DOCK8: variants seen among roughly 807,000 people sequenced by gnomAD.
DOCK8 encodes the protein dedicator of cytokinesis protein 8.
In DOCK8, 141 loss-of-function variants were observed where a neutral mutation model predicts 245.6. The ratio of observed to expected loss-of-function variants is 0.57; its 90% CI spans 0.50 to 0.66. The LOEUF (loss-of-function observed/expected upper bound fraction) is 0.66, where lower values mean the gene tolerates loss of function less well. Among genes scored for constraint, DOCK8 ranks in the 30% least tolerant of loss-of-function variants. The pLI is 0.00. For missense variants in DOCK8, 2,965 were observed against 2,603.4 expected (o/e 1.14, Z -3.02); for synonymous variants, 1,168 against 970.2 (o/e 1.20, Z -3.79).
intron 37 of DOCK8, among the ~76,000 whole-genome samples, chr9:432,944 C>G (rs930659604): frequency 2.0e-5 from 3 of 152,194 alleles, no homozygotes; most frequent in African/African-American, 7.2e-5. Flanking sequence ...TCCCATTTGT[C>G]TTTTAACTCC....
At chr9:358,197 G>T (rs1383356943) in intron 14 of DOCK8, among the ~76,000 whole-genome samples, 1 of 152,082 alleles carries the variant, frequency 6.6e-6, no homozygotes, top group Non-Finnish European at 1.5e-5. Context: ...TGATCTTCCA[G>T]CCTCAGCCTT....
chr9:399,966 ACCT>A, intron 26 of DOCK8, among the ~76,000 whole-genome samples: 1 of 146,730 alleles, frequency 6.8e-6, no homozygotes, highest in East Asian at 2.0e-4. Context: ...CACTATCACC[ACCT>A]TCTCCACCAT....
In DOCK8 at chr9:433,574, G is replaced by C. The variant is rs1253110155; in HGVS notation, c.4786-301G>C. ...CCAGAGTAGAGTTTAGAACTTTTCA[G>C]GTTACAAATAACTGAAACTGGTTCA... On this transcript the variant is annotated intron_variant, in intron 37 of 47. Transcript: ENST00000432829. Among the ~76,000 whole-genome samples, 4 of 152,126 alleles carry C rather than the reference G, an allele frequency of 2.6e-5. No homozygotes were observed. In the East Asian group the frequency reaches 7.7e-4, roughly 29 times the overall value.
intron 4 of DOCK8, among the ~76,000 whole-genome samples, chr9:291,069 ATT>A (rs2049018340): frequency 6.6e-6 from 1 of 152,236 alleles, no homozygotes; most frequent in Admixed American, 6.5e-5. Flanking sequence ...TAAATAAAAG[ATT>A]TCAGAACAAG....
intron 2 of DOCK8, chr9:284,620 C>G (rs1228090877): frequency 2.0e-5 from 3 of 151,120 alleles, no homozygotes; most frequent in African/African-American, 7.3e-5. Context: ...ATAAATCATT[C>G]TACCATAAAG....
At chr9:432,074 G>T in intron 36 of DOCK8, 92 bp from the exon 37 acceptor site, 1 of 1,287,570 alleles carries the variant, frequency 7.8e-7, no homozygotes, top group Non-Finnish European at 1.1e-6. Flanking sequence ...AAACACTGAG[G>T]AGTTGTTTGT....
At chr9:365,683 G>A in intron 14 of DOCK8, 1 of 443,736 alleles carries the variant, frequency 2.3e-6, no homozygotes, top group Non-Finnish European at 4.5e-6. Flanking sequence ...TAAGTAACTT[G>A]CCAAAGGCCA....
chr9:294,911 G>A (rs967902109), intron 4 of DOCK8, among the ~76,000 whole-genome samples: 57 of 152,230 alleles, frequency 3.7e-4, no homozygotes, highest in Non-Finnish European at 2.8e-4. Context: ...TGTAATCCCA[G>A]CACTTTGGGA....
Position 432,217 on chromosome 9 carries a change from GGAAGAGCACCAGACTTTAAT to G in DOCK8, c.4689_4708del (p.Asp1564GlufsTer32). On this transcript the variant is annotated frameshift_variant, in exon 37 of 48. Coordinates refer to ENST00000432829, the MANE Select transcript of DOCK8 (RefSeq NM_203447.4). LOFTEE classifies it high-confidence loss of function. ...AACCATGTCCCTGGCATCTTTGGTG[GGAAGAGCACCAGACTTTAAT>G]GAAGAGCACCTGAGAAGATCCTTGA... 1 of 1,613,604 alleles carries G rather than the reference GGAAGAGCACCAGACTTTAAT, an allele frequency of 6.2e-7. No individual in the cohort carries two copies. Among genetic ancestry groups the G allele is most frequent in the South Asian group, 1.1e-5 (1 of 91,058 alleles).
chr9:389,978 C>T (rs1464337360), intron 23 of DOCK8, among the ~76,000 whole-genome samples: 1 of 151,952 alleles, frequency 6.6e-6, no homozygotes, highest in Non-Finnish European at 1.5e-5. Flanking sequence ...CGAGATTACG[C>T]CACCGCATTC....
chr9:271,501 TAGTC>T (rs1160080502), intron 1 of DOCK8, 122 bp from the exon 2 acceptor site: 8 of 712,396 alleles, frequency 1.1e-5, no homozygotes, highest in South Asian at 1.7e-5. Context: ...AAAGGTATCT[TAGTC>T]AGTTCTGCTC....
At chr9:289,484 G>C (rs560750024) in intron 3 of DOCK8, 26 bp from the exon 4 acceptor site, 1 of 1,600,760 alleles carries the variant, frequency 6.2e-7, no homozygotes, top group East Asian at 2.2e-5. Context: ...GTAATAACGT[G>C]TTTATTTCAT....
chr9:382,960 T>A (rs1414817835), intron 22 of DOCK8, among the ~76,000 whole-genome samples: 1 of 152,164 alleles, frequency 6.6e-6, no homozygotes. Flanking sequence ...TGGAGTCATG[T>A]GGCTAAACCA....
rs763974375 is a variant in DOCK8, at chr9:377,090, G to A, written c.2319G>A (p.Leu773=). Residue 773 remains leucine (L), a synonymous_variant, in exon 20 of 48, where the codon CTG becomes CTA. Transcript: ENST00000432829. ...KISEMALEHE[L]KLSIICLNSS... ...GCGAGATGGCGCTGGAGCATGAGCT[G>A]AAGCTCAGCATCATCTGCCTGAACT... 6.2e-7 allele frequency: 1 copy of A among 1,612,644 alleles called. No individual in the cohort carries two copies. The highest frequency in any genetic ancestry group is 1.1e-5 in the South Asian group (1 of 91,062).
chr9:344,047 A>G (rs1336607172), intron 14 of DOCK8, among the ~76,000 whole-genome samples: 2 of 152,220 alleles, frequency 1.3e-5, no homozygotes, highest in Non-Finnish European at 2.9e-5. Flanking sequence ...CCAACTTGTC[A>G]TCATGAGAAA....
At chr9:333,736 CAGAA>C (rs2051168069) in intron 10 of DOCK8, among the ~76,000 whole-genome samples, 9 of 151,590 alleles carry the variant, frequency 5.9e-5, no homozygotes, top group African/African-American at 1.7e-4. Context: ...ATTCTGAACT[CAGAA>C]AGAACACCTT....
chr9:356,356 G>A (rs1048262322), intron 14 of DOCK8, among the ~76,000 whole-genome samples: 4 of 151,836 alleles, frequency 2.6e-5, no homozygotes, highest in Admixed American at 6.6e-5. Flanking sequence ...GTGAAACCCC[G>A]TCTCTACTAA....
intron 26 of DOCK8, among the ~76,000 whole-genome samples, chr9:403,966 A>G (rs1391112670): frequency 2.7e-5 from 2 of 72,736 alleles, no homozygotes; most frequent in African/African-American, 2.0e-4. Context: ...ATATGTATAT[A>G]TATATATATG....
In DOCK8 at chr9:418,217, T is replaced by C. The variant is rs2056115324; in HGVS notation, c.3840+10T>C. On this transcript the variant is annotated intron_variant, in intron 30 of 47. Transcript: ENST00000432829. ...AGTGCTGTCTTCCTTGGTATGTTGGTGCACATGTGTCTGGTTGATTTTTCA... is the reference window on the plus strand; with the variant it reads ...AGTGCTGTCTTCCTTGGTATGTTGGCGCACATGTGTCTGGTTGATTTTTCA... 1 of 1,614,038 alleles carries C rather than the reference T, an allele frequency of 6.2e-7. No homozygotes were observed. Among genetic ancestry groups the C allele is most frequent in the Non-Finnish European group, 8.5e-7 (1 of 1,180,006 alleles).
Sources: gnomAD v4.1 joint callset for allele counts (sites outside exome capture counted in the v4.1 genomes callset) on GRCh38, gnomAD v4.1.1 for gene constraint, MANE v1.5 for transcripts, NCBI Gene and HGNC (gene_info 2026-07-23, HGNC 2026-07-21) for gene names.